The following CNKSR2 variants were observed in gnomAD, a reference collection of about 807,000 sequenced individuals.
CNKSR2 encodes the protein connector enhancer of kinase suppressor of Ras 2, also known as CNK homolog protein 2.
CNKSR2 carries 14 observed loss-of-function variants against 84.4 expected under a neutral mutation model. The observed-to-expected ratio is 0.17, with a 90% CI of 0.11 to 0.26. CNKSR2 has a LOEUF of 0.26. Among genes scored for constraint, CNKSR2 ranks in the 10% least tolerant of loss-of-function variants. The pLI, the probability that CNKSR2 is intolerant of heterozygous loss-of-function variation, is 1.00. For missense variants in CNKSR2, 485 were observed against 771.2 expected (o/e 0.63, Z 4.40); for synonymous variants, 275 against 277.9 (o/e 0.99, Z 0.10).
chrX:21,530,204 T>A (rs151056247), intron 10 of CNKSR2, among the ~76,000 whole-genome samples: 173 of 111,745 alleles, frequency 1.5e-3, no homozygotes, highest in African/African-American at 5.3e-3. Context: ...TATATAGTTC[T>A]ATTGTGGTAA....
At chrX:21,647,049 A>G (rs779198326) in intron 20 of CNKSR2, among the ~76,000 whole-genome samples, 40 of 112,090 alleles carry the variant, frequency 3.6e-4, no homozygotes, top group African/African-American at 1.1e-3. Flanking sequence ...TCCTTTTTAC[A>G]GTCTTCCATC....
rs201162365 is a variant in CNKSR2, at chrX:21,531,918, A to C, written c.1154A>C (p.His385Pro). Residue 385 changes from histidine (H) to proline (P), a missense_variant, in exon 11 of 22, where the codon CAT (histidine) becomes CCT (proline). This residue lies in a region of CNKSR2 where 132 missense variants were observed against 166.7 expected (regional missense o/e 0.79). Coordinates refer to ENST00000379510, the MANE Select transcript of CNKSR2 (RefSeq NM_014927.5). ...GGACATATGGTGGGCAAGCCAGTGC[A>C]TAAGGGATCTGAATCACCAAATTCA... ...LRGHMVGKPVHKGSESPNSFL... is the reference protein window; with the variant it reads ...LRGHMVGKPVPKGSESPNSFL... The C allele has an allele frequency of 8.3e-7, 1 of 1,207,604 alleles. No homozygotes were observed. The highest frequency in any genetic ancestry group is 1.1e-6 in the Non-Finnish European group (1 of 892,209).
At chrX:21,582,121 A>C (rs1050912633) in intron 13 of CNKSR2, among the ~76,000 whole-genome samples, 1 of 111,589 alleles carries the variant, frequency 9.0e-6, no homozygotes, top group Non-Finnish European at 1.9e-5. Context: ...TTCTGTCTCA[A>C]TTGCAAAATT....
chrX:21,494,818 G>A (rs376272073), intron 6 of CNKSR2: 1 of 111,632 alleles, frequency 9.0e-6, no homozygotes, highest in South Asian at 3.8e-4. Context: ...CTCCCTCCGG[G>A]GGAAATTTCC....
rs151125956 is a variant in CNKSR2, at chrX:21,604,120, A to G, written c.2045-2659A>G. 2.8e-3 allele frequency among the ~76,000 whole-genome samples: 318 copies of G among 112,189 alleles called. 1 individual carries two copies. Among genetic ancestry groups the G allele is most frequent in the Middle Eastern group, 0.014 (3 of 216 alleles). ...ACAAACCCAAAAGAGCCTAACTGAA[A>G]TTTCTATGTAGCCTCTTCTCTGTCA... On this transcript the variant is annotated intron_variant, in intron 18 of 21. Coordinates refer to ENST00000379510, the MANE Select transcript of CNKSR2 (RefSeq NM_014927.5).
intron 13 of CNKSR2, among the ~76,000 whole-genome samples, chrX:21,587,267 G>A (rs919729001): frequency 9.0e-6 from 1 of 111,693 alleles, no homozygotes; most frequent in African/African-American, 3.3e-5. Context: ...TTATTCAAGA[G>A]GAAAGGATTT....
chrX:21,400,607 G>A (rs1224210481), intron 1 of CNKSR2, among the ~76,000 whole-genome samples: 1 of 111,154 alleles, frequency 9.0e-6, no homozygotes, highest in Non-Finnish European at 1.9e-5. Context: ...TGTAAATTTA[G>A]GGGCACGGCC....
chrX:21,516,714 C>A (rs1009422258), intron 9 of CNKSR2, 83 bp downstream of exon 9: 1 of 882,880 alleles, frequency 1.1e-6, no homozygotes, highest in Non-Finnish European at 1.6e-6. Flanking sequence ...TGCCTCATCT[C>A]AGCAGCATAT....
At chrX:21,649,169 T>A in intron 21 of CNKSR2, 142 bp downstream of exon 21, 1 of 442,489 alleles carries the variant, frequency 2.3e-6, no homozygotes. Flanking sequence ...CTGAGCTATT[T>A]CTATGTCATA....
chrX:21,469,073 G>A (rs2091164684), intron 4 of CNKSR2, among the ~76,000 whole-genome samples: 1 of 112,252 alleles, frequency 8.9e-6, no homozygotes, highest in South Asian at 3.7e-4. Context: ...CTTTCCGTAT[G>A]ATTATTATCC....
intron 8 of CNKSR2, chrX:21,504,800 T>C: frequency 3.4e-6 from 1 of 295,896 alleles, no homozygotes; most frequent in South Asian, 2.0e-4. Flanking sequence ...GGCTTTTAAG[T>C]TTTTCAAACC....
chrX:21,480,588 A>G (rs918001284), intron 5 of CNKSR2, among the ~76,000 whole-genome samples: 1 of 111,597 alleles, frequency 9.0e-6, no homozygotes, highest in African/African-American at 3.3e-5. Flanking sequence ...GATAAATAGA[A>G]TTGAGATTTT....
intron 10 of CNKSR2, among the ~76,000 whole-genome samples, chrX:21,529,447 C>T (rs2091865780): frequency 9.0e-6 from 1 of 110,899 alleles, no homozygotes. Context: ...ACAACTATGA[C>T]ATTTAAGTAC....
chrX:21,637,377 T>A (rs1408751315), intron 20 of CNKSR2: 1 of 111,569 alleles, frequency 9.0e-6, no homozygotes, highest in African/African-American at 3.3e-5. Flanking sequence ...ATATTTTATT[T>A]TACCCGGAAT....
At chrX:21,621,938 CTTTG>C (rs1331248795) in intron 20 of CNKSR2, among the ~76,000 whole-genome samples, 1 of 110,935 alleles carries the variant, frequency 9.0e-6, no homozygotes, top group Non-Finnish European at 1.9e-5. Flanking sequence ...AGAACTCATG[CTTTG>C]TTTGTTTGGA....
intron 4 of CNKSR2, among the ~76,000 whole-genome samples, chrX:21,465,232 T>C (rs1339377918): frequency 1.8e-5 from 2 of 111,736 alleles, no homozygotes; most frequent in Non-Finnish European, 3.8e-5. Context: ...TTTTCTCCCC[T>C]CCTACTTAAT....
chrX:21,641,923 G>C, intron 20 of CNKSR2: 1 of 793,620 alleles, frequency 1.3e-6, no homozygotes, highest in African/African-American at 2.2e-5. Context: ...GAAGGGGAAA[G>C]GGTCTTAACT....
intron 5 of CNKSR2, among the ~76,000 whole-genome samples, chrX:21,487,143 C>T (rs146919615): frequency 1.6e-3 from 180 of 112,034 alleles, no homozygotes; most frequent in Non-Finnish European, 2.9e-3. Context: ...AATGTGTTTA[C>T]TCACCTTTTG....
intron 4 of CNKSR2, 200 bp downstream of exon 4, chrX:21,440,981 A>T (rs1409875752): frequency 3.2e-6 from 1 of 309,977 alleles, no homozygotes; most frequent in African/African-American, 2.7e-5. Context: ...GAAGATATAA[A>T]AGGAACCTGA....
Sources: allele counts gnomAD v4.1 joint callset (sites outside exome capture counted in the v4.1 genomes callset), GRCh38; gene constraint gnomAD v4.1.1; regional missense constraint gnomAD v4.1.1; transcripts MANE v1.5; gene names NCBI Gene and HGNC (gene_info 2026-07-23, HGNC 2026-07-21).